Variants in RPS6KC1 observed in about 807,000 individuals in gnomAD.
RPS6KC1 encodes ribosomal protein S6 kinase C1.
RPS6KC1 carries 54 observed loss-of-function variants against 103.8 expected under a neutral mutation model. That is an observed-to-expected ratio of 0.52 (90% CI 0.42 to 0.65). The LOEUF is 0.65. Among genes scored for constraint, RPS6KC1 ranks in the 30% least tolerant of loss-of-function variants. RPS6KC1 has a pLI of 0.00. For missense variants in RPS6KC1, 1,151 were observed against 1,253.8 expected (o/e 0.92, Z 1.24); for synonymous variants, 439 against 438.7 (o/e 1.00, Z -0.01).
intron 6 of RPS6KC1, among the ~76,000 whole-genome samples, chr1:213,148,055 C>T (rs1210334956): frequency 6.6e-6 from 1 of 152,186 alleles, no homozygotes; most frequent in African/African-American, 2.4e-5. Flanking sequence ...TTGCATCCTG[C>T]AACTTTACTG....
intron 3 of RPS6KC1, among the ~76,000 whole-genome samples, chr1:213,099,670 C>G (rs1459774239): frequency 2.6e-5 from 4 of 152,136 alleles, no homozygotes; most frequent in African/African-American, 9.7e-5. Flanking sequence ...AATCCCTGCC[C>G]TTAAGCTACC....
At chr1:213,649,822 G>T in the RPS6KC1 span, among the ~76,000 whole-genome samples, 1,429 of 152,288 alleles carry the variant, frequency 9.4e-3, 17 homozygotes, top group African/African-American at 0.032. Flanking sequence ...AATGAAGCTT[G>T]TACAAGCATA....
At chr1:213,465,153 C>A in the RPS6KC1 span, among the ~76,000 whole-genome samples, 89 of 152,280 alleles carry the variant, frequency 5.8e-4, no homozygotes, top group Non-Finnish European at 2.5e-4. Flanking sequence ...CTGTGGTTCA[C>A]CTTCTCCCTC....
intron 6 of RPS6KC1, among the ~76,000 whole-genome samples, chr1:213,164,771 G>A (rs2090805372): frequency 6.6e-6 from 1 of 152,124 alleles, no homozygotes; most frequent in African/African-American, 2.4e-5. Flanking sequence ...ATCTTGCTAT[G>A]TTGCCCAGGC....
At chr1:213,764,957 G>A in the RPS6KC1 span, among the ~76,000 whole-genome samples, 1 of 152,162 alleles carries the variant, frequency 6.6e-6, no homozygotes, top group Admixed American at 6.5e-5. Flanking sequence ...AGGGGGCAGG[G>A]GTGGGGTGTC....
chr1:213,315,225 C>A, the RPS6KC1 span, among the ~76,000 whole-genome samples: 1 of 152,198 alleles, frequency 6.6e-6, no homozygotes, highest in Non-Finnish European at 1.5e-5. Flanking sequence ...GAGTTCTTCA[C>A]CTGTCTTTTT....
the RPS6KC1 span, among the ~76,000 whole-genome samples, chr1:213,685,853 T>C: frequency 2.0e-5 from 3 of 152,238 alleles, no homozygotes; most frequent in African/African-American, 7.2e-5. Context: ...AATTCAGCTT[T>C]TGTTTGTTGC....
At chr1:213,203,446 T>C (rs2148597820) in intron 8 of RPS6KC1, among the ~76,000 whole-genome samples, 1 of 152,304 alleles carries the variant, frequency 6.6e-6, no homozygotes, top group South Asian at 2.1e-4. Context: ...TGTGCAATTT[T>C]AATTGTTAAT....
At chr1:213,720,038 G>T in the RPS6KC1 span, among the ~76,000 whole-genome samples, 1 of 152,112 alleles carries the variant, frequency 6.6e-6, no homozygotes, top group Non-Finnish European at 1.5e-5. Context: ...TAAAAAGGTG[G>T]CATGAGGATT....
chr1:213,681,552 CT>C, the RPS6KC1 span, among the ~76,000 whole-genome samples: 1 of 152,200 alleles, frequency 6.6e-6, no homozygotes, highest in East Asian at 1.9e-4. Flanking sequence ...AATCCTAGCA[CT>C]TTGGAGGCCG....
the RPS6KC1 span, among the ~76,000 whole-genome samples, chr1:213,500,431 A>C: frequency 2.0e-5 from 3 of 152,188 alleles, no homozygotes; most frequent in Non-Finnish European, 4.4e-5. Context: ...TTTATAGTTA[A>C]CTTAAAAAAA....
intron 3 of RPS6KC1, among the ~76,000 whole-genome samples, chr1:213,097,472 G>A (rs2081571297): frequency 6.6e-6 from 1 of 152,148 alleles, no homozygotes. Flanking sequence ...TCTGTTGATG[G>A]AACACAGGCA....
chr1:213,190,794 T>G (rs2092718105), intron 8 of RPS6KC1, among the ~76,000 whole-genome samples: 1 of 152,220 alleles, frequency 6.6e-6, no homozygotes, highest in East Asian at 1.9e-4. Flanking sequence ...ATTAAAGTCT[T>G]TAATAATCAA....
chr1:213,600,345 A>T, the RPS6KC1 span, among the ~76,000 whole-genome samples: 1 of 152,238 alleles, frequency 6.6e-6, no homozygotes, highest in Non-Finnish European at 1.5e-5. Flanking sequence ...CACACACCAC[A>T]GAGCTTGGAG....
At chr1:213,476,040 GCTGGTGTGA>G in the RPS6KC1 span, among the ~76,000 whole-genome samples, 24,976 of 151,892 alleles carry the variant, frequency 0.16, 2,547 homozygotes, top group East Asian at 0.27. Context: ...GCCCACAGTG[GCTGGTGTGA>G]CTGGTGTGAC....
the RPS6KC1 span, among the ~76,000 whole-genome samples, chr1:213,705,345 T>C: frequency 6.6e-6 from 1 of 152,218 alleles, no homozygotes; most frequent in Admixed American, 6.5e-5. Context: ...GACGTAGTAC[T>C]TTCCACTCTT....
chr1:213,608,810 T>C, the RPS6KC1 span, among the ~76,000 whole-genome samples: 1 of 152,232 alleles, frequency 6.6e-6, no homozygotes, highest in African/African-American at 2.4e-5. Context: ...TTGTATTTGT[T>C]TCACTAAATT....
chr1:213,345,476 C>T, the RPS6KC1 span, among the ~76,000 whole-genome samples: 26 of 152,164 alleles, frequency 1.7e-4, no homozygotes, highest in South Asian at 6.2e-4. Flanking sequence ...CTGGATGTTA[C>T]GAATGAAAAA....
the RPS6KC1 span, among the ~76,000 whole-genome samples, chr1:213,756,370 A>C: frequency 6.6e-6 from 1 of 152,166 alleles, no homozygotes; most frequent in Non-Finnish European, 1.5e-5. Context: ...GAAGGGTTCA[A>C]AGGCAATCCT....
Sources: allele counts gnomAD v4.1 joint callset (sites outside exome capture counted in the v4.1 genomes callset), GRCh38; gene constraint gnomAD v4.1.1; transcripts MANE v1.5; gene names NCBI Gene and HGNC (gene_info 2026-07-23, HGNC 2026-07-21).